The following TTC39A variants were observed in gnomAD, a reference collection of about 807,000 sequenced individuals.
TTC39A encodes the protein tetratricopeptide repeat domain 39A.
In TTC39A, 46 loss-of-function variants were observed where a neutral mutation model predicts 82.3. The observed-to-expected ratio is 0.56, with a 90% CI of 0.44 to 0.71. The LOEUF is 0.71. TTC39A is among the 30% of genes least tolerant of loss of function. The pLI is 0.00. For missense variants in TTC39A, 543 were observed against 712.9 expected (o/e 0.76, Z 2.71); for synonymous variants, 254 against 275.2 (o/e 0.92, Z 0.76).
At chr1:51,317,994 G>T (rs1645356849) in intron 2 of TTC39A, among the ~76,000 whole-genome samples, 1 of 152,182 alleles carries the variant, frequency 6.6e-6, no homozygotes, top group Non-Finnish European at 1.5e-5. Flanking sequence ...AGCCCTTTCA[G>T]GGACCATGTG....
chr1:51,296,038 TG>T lies in TTC39A; in HGVS notation c.1145+40del, dbSNP rs781612222. The T allele has an allele frequency of 1.5e-5, 23 of 1,548,804 alleles. No individual in the cohort carries two copies. In the Admixed American group the frequency reaches 3.3e-4, roughly 22 times the overall value. ...GGTCTGTCCATAGCGGCCTACACGGTGGGAGTGGCCTACACAGTGGGAGCAC... is the reference window on the plus strand; with the variant it reads ...GGTCTGTCCATAGCGGCCTACACGGTGGAGTGGCCTACACAGTGGGAGCAC... On this transcript the variant is annotated intron_variant, in intron 13 of 17. Transcript: ENST00000680483.
intron 3 of TTC39A, 103 bp downstream of exon 3, chr1:51,312,709 A>C: frequency 3.3e-6 from 5 of 1,502,396 alleles, no homozygotes; most frequent in Non-Finnish European, 4.5e-6. Flanking sequence ...CCTCTTAGCC[A>C]AAAGCAGCAG....
At chr1:51,343,018 C>T (rs754451729) in intron 1 of TTC39A, 36 of 456,028 alleles carry the variant, frequency 7.9e-5, no homozygotes, top group South Asian at 4.3e-4. Flanking sequence ...CGGGAGACCC[C>T]GAAGGCTCCC....
intron 3 of TTC39A, 147 bp from the exon 4 acceptor site, chr1:51,312,342 G>T: frequency 1.2e-6 from 1 of 845,184 alleles, no homozygotes; most frequent in East Asian, 2.7e-5. Flanking sequence ...GAAGAGGTTT[G>T]ATATTCTGGC....
At position 51,303,202 on chromosome 1, in the gene TTC39A, TGGGAG is replaced by T; in HGVS notation, c.655-15_655-11del. 1 of 433,748 alleles carries T rather than the reference TGGGAG, an allele frequency of 2.3e-6. No individual in the cohort carries two copies. Among genetic ancestry groups the T allele is most frequent in the Non-Finnish European group, 4.7e-6 (1 of 214,144 alleles). 26.9% of individuals were successfully genotyped at this position (433,748 alleles called of 1,614,324 possible). ...GCAGCAGCCCATAGTCCTGAGGGGA[TGGGAG>T]GGTGGGTGAGGCTCCCAGAGAGGGC... On this transcript the variant is annotated splice_polypyrimidine_tract_variant and intron_variant, in intron 8 of 17. Coordinates refer to ENST00000680483, the MANE Select transcript of TTC39A (RefSeq NM_001297663.2).
At chr1:51,314,034 C>T (rs928790374) in intron 2 of TTC39A, among the ~76,000 whole-genome samples, 3 of 152,198 alleles carry the variant, frequency 2.0e-5, no homozygotes, top group Non-Finnish European at 2.9e-5. Context: ...GTGGGCACCT[C>T]GAGGACAGAG....
Position 51,321,201 on chromosome 1 carries a change from G to T in TTC39A, c.146+520C>A, listed in dbSNP as rs1386234634. Among the ~76,000 whole-genome samples the T allele has an allele frequency of 6.6e-6, 1 of 152,206 alleles. No homozygotes were observed. The highest frequency in any genetic ancestry group is 1.9e-4 in the East Asian group (1 of 5,202). Reference sequence around the variant, plus strand: ...ATAAATGTTTTAAAGTGATAAGAAAGGGTGAGTTTTACGGTATCTGAATTA... The same window carrying T: ...ATAAATGTTTTAAAGTGATAAGAAATGGTGAGTTTTACGGTATCTGAATTA... On this transcript the variant is annotated intron_variant, in intron 2 of 17. Coordinates refer to ENST00000680483, the MANE Select transcript of TTC39A (RefSeq NM_001297663.2). This position sits in a 1 kb window ranked among gnomAD's most constrained non-coding sequence, Gnocchi z 4.6.
chr1:51,302,186 C>T, intron 11 of TTC39A, 171 bp downstream of exon 11: 1 of 841,352 alleles, frequency 1.2e-6, no homozygotes, highest in Non-Finnish European at 2.0e-6. Flanking sequence ...TCTTCCCAGG[C>T]TGCTCTGCCA....
At chr1:51,303,362 C>A (rs1365826377) in intron 8 of TTC39A, among the ~76,000 whole-genome samples, 170 bp from the exon 9 acceptor site, 1 of 152,206 alleles carries the variant, frequency 6.6e-6, no homozygotes, top group Non-Finnish European at 1.5e-5. Context: ...AGTGCCCCAG[C>A]ACATTCCTGG....
At chr1:51,307,978 C>T (rs1196086970) in intron 6 of TTC39A, among the ~76,000 whole-genome samples, 4 of 152,082 alleles carry the variant, frequency 2.6e-5, no homozygotes, top group African/African-American at 9.7e-5. Flanking sequence ...CATATCTATC[C>T]TTAGCCCCCT....
chr1:51,287,888 C>A lies in TTC39A; in HGVS notation c.*269G>T, dbSNP rs1644047556. The A allele has an allele frequency of 7.0e-6, 3 of 429,704 alleles. No homozygotes were observed. Among genetic ancestry groups the A allele is most frequent in the Admixed American group, 3.4e-5 (1 of 29,066 alleles). The allele number at this position is 429,704 out of a possible 1,614,324, so 26.6% of individuals were successfully genotyped here. A position where few individuals can be genotyped will look rare whatever the true frequency, so the allele number is the denominator to read the frequency against. On this transcript the variant is annotated 3_prime_UTR_variant, in exon 18 of 18. Transcript: ENST00000680483. ...GGAAAATGTAAACTGTTCATACATT[C>A]TCTTAAACATCACAGTGAAAAGCAA... is the stretch of plus-strand genomic sequence containing the variant.
chr1:51,336,110 A>T (rs1434819813), upstream of TTC39A, among the ~76,000 whole-genome samples: 1 of 151,876 alleles, frequency 6.6e-6, no homozygotes, highest in African/African-American at 2.4e-5. Context: ...TGAACTGGTG[A>T]CTGTAAAGCA....
intron 2 of TTC39A, among the ~76,000 whole-genome samples, chr1:51,316,375 G>A (rs748297834): frequency 2.0e-5 from 3 of 152,138 alleles, no homozygotes; most frequent in East Asian, 3.9e-4. Flanking sequence ...CATCACTCCC[G>A]CTGCCCATCC....
intron 1 of TTC39A, among the ~76,000 whole-genome samples, chr1:51,327,428 G>A (rs1003083947): frequency 6.6e-6 from 1 of 152,164 alleles, no homozygotes; most frequent in Non-Finnish European, 1.5e-5. Context: ...ACATAAATGT[G>A]TCACGGAGTG....
chr1:51,291,056 C>G (rs1644193144), intron 14 of TTC39A, among the ~76,000 whole-genome samples: 1 of 152,248 alleles, frequency 6.6e-6, no homozygotes, highest in Non-Finnish European at 1.5e-5. Flanking sequence ...TTCTCTTCTA[C>G]TCCTAGTCTC....
chr1:51,288,298 A>G lies in TTC39A; in HGVS notation c.1611-18T>C. ...AGTTTTGCCTGGAATTGAGCAGCGAATCAGACACATGAGGCTGCCTGCTCC... is the reference window on the plus strand; with the variant it reads ...AGTTTTGCCTGGAATTGAGCAGCGAGTCAGACACATGAGGCTGCCTGCTCC... On this transcript the variant is annotated intron_variant, in intron 17 of 17. Coordinates refer to ENST00000680483, the MANE Select transcript of TTC39A (RefSeq NM_001297663.2). This position sits in a 1 kb window ranked among gnomAD's most constrained non-coding sequence, Gnocchi z 4.8. The G allele has an allele frequency of 1.9e-6, 3 of 1,613,888 alleles. 1 individual carries two copies. In the South Asian group the frequency reaches 3.3e-5, roughly 18 times the overall value.
intron 2 of TTC39A, among the ~76,000 whole-genome samples, chr1:51,316,159 G>A (rs1398072859): frequency 6.6e-6 from 1 of 152,026 alleles, no homozygotes; most frequent in Admixed American, 6.5e-5. Flanking sequence ...CTCAGTAATG[G>A]AGCCCCAGCA....
intron 12 of TTC39A, chr1:51,298,016 T>G (rs1370132496): frequency 6.5e-6 from 1 of 153,332 alleles, no homozygotes; most frequent in Non-Finnish European, 1.5e-5. Context: ...GCTCCTGCGC[T>G]CCATTCTGGT....
At chr1:51,331,314 G>A (rs1645907525), upstream of TTC39A, 1 of 1,538,312 alleles carries the variant, frequency 6.5e-7, no homozygotes, top group Non-Finnish European at 8.8e-7. Flanking sequence ...GAGCCCTGAG[G>A]CGGTGTCTCC....
Sources: allele counts gnomAD v4.1 joint callset (sites outside exome capture counted in the v4.1 genomes callset), GRCh38; gene constraint gnomAD v4.1.1; non-coding constraint Gnocchi (gnomAD v3.1); transcripts MANE v1.5; gene names NCBI Gene and HGNC (gene_info 2026-07-23, HGNC 2026-07-21).